Variants in ABCB7 observed in about 807,000 individuals in gnomAD.
ABCB7 encodes iron-sulfur clusters transporter ABCB7, mitochondrial.
Under a neutral mutation model 54.4 loss-of-function variants are expected in ABCB7, and 7 were observed. The ratio of observed to expected loss-of-function variants is 0.13; its 90% CI spans 0.07 to 0.24. ABCB7 has a LOEUF of 0.24. ABCB7 is among the 10% of genes least tolerant of loss of function. The probability of loss-of-function intolerance (pLI) is 1.00; values close to 1 mark genes in which losing one functional copy is unlikely to be tolerated. For synonymous variants in ABCB7, 218 were observed against 207.1 expected (o/e 1.05, Z -0.45); for missense variants, 356 against 570.4 (o/e 0.62, Z 3.83).
intron 4 of ABCB7, among the ~76,000 whole-genome samples, chrX:75,085,523 T>C (rs184393129): frequency 1.8e-5 from 2 of 111,377 alleles, no homozygotes; most frequent in East Asian, 2.8e-4. Context: ...ACTGTGGTGG[T>C]AATTACATGA....
chrX:75,097,420 C>A (rs1259645983), intron 4 of ABCB7: 2 of 111,905 alleles, frequency 1.8e-5, no homozygotes, highest in Non-Finnish European at 3.8e-5. Context: ...CCCCACAACA[C>A]CCGACTGGCA....
intron 4 of ABCB7, among the ~76,000 whole-genome samples, chrX:75,088,223 T>C (rs2081515046): frequency 8.9e-6 from 1 of 112,116 alleles, no homozygotes; most frequent in South Asian, 3.7e-4. Flanking sequence ...AAACATAAAA[T>C]CTCACATTAA....
At chrX:75,089,920 T>C (rs888430361) in intron 4 of ABCB7, among the ~76,000 whole-genome samples, 5 of 110,411 alleles carry the variant, frequency 4.5e-5, no homozygotes, top group African/African-American at 1.3e-4. Context: ...TTAACCCTTA[T>C]CAAAGCTAAG....
chrX:75,114,979 C>CA, intron 1 of ABCB7, 148 bp from the exon 2 acceptor site: 1 of 452,237 alleles, frequency 2.2e-6, no homozygotes, highest in East Asian at 5.7e-5. Flanking sequence ...CCTAAAAAGA[C>CA]AAAAAATAGG....
chrX:75,076,463 T>C, intron 5 of ABCB7, 59 bp downstream of exon 5: 1 of 1,182,490 alleles, frequency 8.5e-7, no homozygotes, highest in Non-Finnish European at 1.1e-6. Context: ...TGCTCAAATA[T>C]GATGAAACCT....
At chrX:75,088,818 C>G (rs112339891) in intron 4 of ABCB7, among the ~76,000 whole-genome samples, 3,812 of 102,675 alleles carry the variant, frequency 0.037, 91 homozygotes, top group Non-Finnish European at 0.057. Context: ...TTAGAGGACA[C>G]CACGTAGAAA....
At chrX:75,070,160 C>T in intron 10 of ABCB7, among the ~76,000 whole-genome samples, 1 of 111,440 alleles carries the variant, frequency 9.0e-6, no homozygotes, top group Middle Eastern at 4.6e-3. Context: ...AGGAGTGAGC[C>T]ACCATGCGTG....
chrX:75,107,776 G>C (rs372362320), intron 3 of ABCB7, among the ~76,000 whole-genome samples: 1 of 111,049 alleles, frequency 9.0e-6, no homozygotes, highest in African/African-American at 3.3e-5. Context: ...TGCCACCCGT[G>C]GTGGCTAGGT....
At chrX:75,076,704 ATAAAAG>A in intron 4 of ABCB7, 50 bp from the exon 5 acceptor site, 1 of 1,126,520 alleles carries the variant, frequency 8.9e-7, no homozygotes, top group Non-Finnish European at 1.2e-6. Flanking sequence ...ATACTTATTT[ATAAAAG>A]TACAAATATT....
chrX:75,076,342 T>C (rs966038789), intron 5 of ABCB7, among the ~76,000 whole-genome samples, 180 bp downstream of exon 5: 15 of 112,579 alleles, frequency 1.3e-4, no homozygotes, highest in Non-Finnish European at 9.4e-5. Context: ...TATCATGGAA[T>C]TTTTTGAAAG....
chrX:75,065,477 T>C (rs896502879), intron 12 of ABCB7, among the ~76,000 whole-genome samples: 16 of 111,341 alleles, frequency 1.4e-4, no homozygotes, highest in African/African-American at 4.9e-4. Context: ...CCTAAACATA[T>C]GTTTCTTTCC....
intron 3 of ABCB7, among the ~76,000 whole-genome samples, chrX:75,099,698 A>G (rs1418103170): frequency 9.0e-6 from 1 of 110,917 alleles, no homozygotes; most frequent in Admixed American, 9.6e-5. Flanking sequence ...CTTTACTTTC[A>G]GCTTTAAAGG....
At chrX:75,111,792 A>G (rs2081762423) in intron 3 of ABCB7, among the ~76,000 whole-genome samples, 1 of 112,322 alleles carries the variant, frequency 8.9e-6, no homozygotes, top group Non-Finnish European at 1.9e-5. Flanking sequence ...GCTTGAGCCT[A>G]AAAGAAGTAG....
intron 5 of ABCB7, 83 bp downstream of exon 5, chrX:75,076,439 G>A (rs1217085783): frequency 3.1e-5 from 35 of 1,112,102 alleles, no homozygotes; most frequent in Non-Finnish European, 6.2e-6. Context: ...TGTGTTTGTA[G>A]TGAAAAGGTC....
chrX:75,060,989 T>C (rs1035736757), intron 14 of ABCB7, among the ~76,000 whole-genome samples: 4 of 111,760 alleles, frequency 3.6e-5, no homozygotes, highest in African/African-American at 1.3e-4. Context: ...TAGATGGAAA[T>C]AGCAGTGTGG....
At chrX:75,062,482 T>C (rs2081288741) in intron 13 of ABCB7, 51 bp from the exon 14 acceptor site, 3 of 916,733 alleles carry the variant, frequency 3.3e-6, no homozygotes, top group Non-Finnish European at 4.8e-6. Flanking sequence ...GCATATTTTA[T>C]GTTTTTAGTG....
At chrX:75,094,013 T>C (rs1602363652) in intron 4 of ABCB7, among the ~76,000 whole-genome samples, 1 of 63,689 alleles carries the variant, frequency 1.6e-5, no homozygotes, top group African/African-American at 6.5e-5. Context: ...ATGTTTCTGT[T>C]ATATACATAT....
intron 4 of ABCB7, among the ~76,000 whole-genome samples, chrX:75,090,500 A>T (rs1412172592): frequency 9.0e-6 from 1 of 110,760 alleles, no homozygotes; most frequent in East Asian, 2.8e-4. Flanking sequence ...GCACTTAAAA[A>T]GAAATTTATA....
chrX:75,071,495 C>G lies in ABCB7; in HGVS notation c.1207+14G>C. The G allele has an allele frequency of 1.7e-6, 2 of 1,209,603 alleles. No homozygotes were observed. Among genetic ancestry groups the G allele is most frequent in the Non-Finnish European group, 2.2e-6 (2 of 893,969 alleles). Reference sequence around the variant, plus strand: ...TTGAACAGCCTGTAAATGTGATAGCCACAGACTCATTACCTGCCACAATTC... The same window carrying G: ...TTGAACAGCCTGTAAATGTGATAGCGACAGACTCATTACCTGCCACAATTC... On this transcript the variant is annotated intron_variant, in intron 9 of 15. Transcript: ENST00000373394.
Sources: gnomAD v4.1 joint callset for allele counts (sites outside exome capture counted in the v4.1 genomes callset) on GRCh38, gnomAD v4.1.1 for gene constraint, MANE v1.5 for transcripts, NCBI Gene and HGNC (gene_info 2026-07-23, HGNC 2026-07-21) for gene names.